Variants in NDC1 observed in about 807,000 individuals in gnomAD.
The protein encoded by NDC1 is NDC1 transmembrane nucleoporin.
Under a neutral mutation model 89.8 loss-of-function variants are expected in NDC1, and 24 were observed. The ratio of observed to expected loss-of-function variants is 0.27; its 90% CI spans 0.19 to 0.38. The LOEUF is 0.38. Among genes scored for constraint, NDC1 ranks in the 10% least tolerant of loss-of-function variants. NDC1 has a pLI of 1.00. For missense variants in NDC1, 728 were observed against 797.6 expected (o/e 0.91, Z 1.05); for synonymous variants, 296 against 284.8 (o/e 1.04, Z -0.39).
rs745972331 is a variant in NDC1, at chr1:53,835,511, T to C, written c.167A>G (p.Gln56Arg). ...FSRIDLFHPI[Q>R]WLSDSFSDLY... Reference sequence around the variant, plus strand: ...TGAGTATCACCTACCAGACAGCCACTGTATAGGATGAAACAAATCAATCCT... The same window carrying C: ...TGAGTATCACCTACCAGACAGCCACCGTATAGGATGAAACAAATCAATCCT... The change falls in exon 2 of 18, where the codon CAG (glutamine) becomes CGG (arginine). Residue 56 changes from glutamine to arginine, a missense_variant. Coordinates refer to ENST00000371429, the MANE Select transcript of NDC1 (RefSeq NM_018087.5). The C allele has an allele frequency of 1.9e-6, 3 of 1,610,740 alleles. No homozygotes were observed. The highest frequency in any genetic ancestry group is 2.5e-6 in the Non-Finnish European group (3 of 1,178,810).
chr1:53,780,817 GTTAA>G (rs1353556850), intron 16 of NDC1, among the ~76,000 whole-genome samples: 1 of 151,666 alleles, frequency 6.6e-6, no homozygotes, highest in Non-Finnish European at 1.5e-5. Context: ...GATTAAAAAG[GTTAA>G]TTTTTATGTT....
chr1:53,780,493 T>C (rs185459456), intron 16 of NDC1, among the ~76,000 whole-genome samples: 21 of 152,326 alleles, frequency 1.4e-4, no homozygotes, highest in African/African-American at 5.1e-4. Context: ...TCTTTTTCCA[T>C]TCTGTATCGT....
At chr1:53,798,067 A>G (rs1382289653) in intron 11 of NDC1, among the ~76,000 whole-genome samples, 1 of 151,472 alleles carries the variant, frequency 6.6e-6, no homozygotes, top group African/African-American at 2.4e-5. Flanking sequence ...TACAAAAACA[A>G]AAGGAACTTT....
At position 53,825,938 on chromosome 1, in the gene NDC1, T is replaced by G; in HGVS notation, c.456-2A>C. On this transcript the variant is annotated splice_acceptor_variant, in intron 4 of 17. Transcript: ENST00000371429. LOFTEE classifies it high-confidence loss of function. ...GTTTGCGCAGCAGGGCTACCAAAGCTGAAGGGAAAAAATTAAGTTATTAAT... is the reference window on the plus strand; with the variant it reads ...GTTTGCGCAGCAGGGCTACCAAAGCGGAAGGGAAAAAATTAAGTTATTAAT... 6.2e-7 allele frequency: 1 copy of G among 1,610,126 alleles called. No individual in the cohort carries two copies. Among genetic ancestry groups the G allele is most frequent in the Non-Finnish European group, 8.5e-7 (1 of 1,178,798 alleles).
chr1:53,779,075 G>A (rs1357104509), intron 16 of NDC1, among the ~76,000 whole-genome samples: 2 of 133,252 alleles, frequency 1.5e-5, no homozygotes, highest in Non-Finnish European at 3.1e-5. Context: ...CCCAGCGTGT[G>A]AAGTTGCAGT....
At chr1:53,797,740 C>T (rs975927393) in intron 11 of NDC1, among the ~76,000 whole-genome samples, 14 of 152,168 alleles carry the variant, frequency 9.2e-5, no homozygotes, top group African/African-American at 3.1e-4. Context: ...AGCGATCCTC[C>T]CACCTCAGCT....
intron 16 of NDC1, among the ~76,000 whole-genome samples, chr1:53,782,157 C>T (rs1647215616): frequency 6.6e-6 from 1 of 151,970 alleles, no homozygotes; most frequent in South Asian, 2.1e-4. Flanking sequence ...CAGTTAGAGT[C>T]AAGTTAAGAA....
chr1:53,777,617 A>C (rs1647173019), intron 16 of NDC1, among the ~76,000 whole-genome samples: 1 of 152,234 alleles, frequency 6.6e-6, no homozygotes, highest in Non-Finnish European at 1.5e-5. Flanking sequence ...AGCAAGTAAG[A>C]GTATCAAGCT....
chr1:53,835,728 C>T (rs988236387), intron 1 of NDC1, 108 bp from the exon 2 acceptor site: 5 of 927,634 alleles, frequency 5.4e-6, no homozygotes, highest in African/African-American at 3.3e-5. Flanking sequence ...AGATCATAAT[C>T]CGTAACTCAA....
chr1:53,797,509 T>C (rs1229925163), intron 11 of NDC1, among the ~76,000 whole-genome samples: 1 of 152,264 alleles, frequency 6.6e-6, no homozygotes, highest in Non-Finnish European at 1.5e-5. Flanking sequence ...CCAGTTTTAC[T>C]GCATTACTAT....
At chr1:53,818,075 A>G (rs1648538299) in intron 6 of NDC1, among the ~76,000 whole-genome samples, 1 of 152,204 alleles carries the variant, frequency 6.6e-6, no homozygotes, top group South Asian at 2.1e-4. Flanking sequence ...AATGATGCAC[A>G]GTATTTTTTC....
At chr1:53,787,355 AAAAG>A in intron 15 of NDC1, 97 bp from the exon 16 acceptor site, 2 of 726,918 alleles carry the variant, frequency 2.8e-6, no homozygotes, top group Admixed American at 4.8e-5. Context: ...TCTGAATATA[AAAAG>A]AAATAAAGGC....
chr1:53,803,673 G>A (rs776497681), intron 10 of NDC1, among the ~76,000 whole-genome samples: 9 of 152,102 alleles, frequency 5.9e-5, no homozygotes, highest in African/African-American at 1.4e-4. Context: ...CCAGGCTCAC[G>A]CCATTCTCCC....
rs562850670 is a variant in NDC1 at position 53,806,439 on chromosome 1, G to A, written c.970C>T (p.Pro324Ser). The A allele has an allele frequency of 4.0e-4, 608 of 1,538,478 alleles. 5 individuals are homozygous for A. In the South Asian group the frequency reaches 7.5e-3, roughly 19 times the overall value. The change falls in exon 9 of 18, where the codon CCC becomes TCC. Residue 324 changes from proline (P) to serine (S), a missense_variant. Pro to Ser is a moderately conservative substitution (Grantham distance 74, BLOSUM62 -1). Coordinates refer to ENST00000371429, the MANE Select transcript of NDC1 (RefSeq NM_018087.5). Reference protein sequence around the residue: ...CLPKVLNSNPPPIIKYLALQD... With the variant: ...CLPKVLNSNPSPIIKYLALQD... ...AGTTTGGATACCTTTATGATGGGGGGAGGATTGCTATTTAACACTTTTGGA... is the reference window on the plus strand; with the variant it reads ...AGTTTGGATACCTTTATGATGGGGGAAGGATTGCTATTTAACACTTTTGGA...
At chr1:53,798,138 T>TTTATTATTATTATTA (rs71063883) in intron 11 of NDC1, among the ~76,000 whole-genome samples, 19 of 133,010 alleles carry the variant, frequency 1.4e-4, no homozygotes, top group Non-Finnish European at 2.4e-4. Context: ...CCATCTTCTT[T>TTTATTATTATTATTA]TTATTATTAT....
intron 6 of NDC1, among the ~76,000 whole-genome samples, chr1:53,813,736 CA>C (rs1648387763): frequency 6.6e-6 from 1 of 151,694 alleles, no homozygotes; most frequent in Non-Finnish European, 1.5e-5. Context: ...AGAAAGTCAA[CA>C]AAAAAACAAT....
chr1:53,792,089 C>CCTG (rs1647529965), intron 14 of NDC1, among the ~76,000 whole-genome samples: 2 of 151,874 alleles, frequency 1.3e-5, no homozygotes, highest in African/African-American at 4.8e-5. Context: ...ACCACAGGCG[C>CCTG]CCACCACTGC....
chr1:53,836,018 A>T, intron 1 of NDC1, among the ~76,000 whole-genome samples: 1 of 152,230 alleles, frequency 6.6e-6, no homozygotes, highest in East Asian at 1.9e-4. Context: ...TTACTGGGCA[A>T]CTACGGCACT....
intron 16 of NDC1, among the ~76,000 whole-genome samples, chr1:53,775,073 G>A (rs1229034753): frequency 6.6e-6 from 1 of 152,078 alleles, no homozygotes; most frequent in African/African-American, 2.4e-5. Flanking sequence ...TATCCATCTT[G>A]TAAATACTAA....
Sources: gnomAD v4.1 joint callset for allele counts (sites outside exome capture counted in the v4.1 genomes callset) on GRCh38, gnomAD v4.1.1 for gene constraint, MANE v1.5 for transcripts, NCBI Gene and HGNC (gene_info 2026-07-23, HGNC 2026-07-21) for gene names.